GJA5: variants seen among roughly 807,000 people sequenced by gnomAD.
GJA5 encodes gap junction protein alpha 5.
GJA5 carries 3 observed loss-of-function variants against 7.9 expected under a neutral mutation model. The observed-to-expected ratio is 0.38, with a 90% CI of 0.17 to 0.99. GJA5 has a LOEUF of 0.99. Ranked by LOEUF, GJA5 falls within the 50% of genes least tolerant of loss-of-function variation. The pLI is 0.38. For missense variants in GJA5, 390 were observed against 457.9 expected, an observed-to-expected ratio of 0.85 and a Z score of 1.35; for synonymous variants, 193 against 181.0, an observed-to-expected ratio of 1.07 and a Z score of -0.53.
rs587735667 is a variant in GJA5, at chr1:147,772,732, T to C, written c.-34+520A>G. On this transcript the variant is annotated intron_variant, in intron 1 of 1. Coordinates refer to the GJA5 transcript ENST00000430508. Reference sequence around the variant, plus strand: ...TGGCCACTGCACAGCGGGGACATGATACTCTGCAGGAAACTAAGCAGGGAA... The same window carrying C: ...TGGCCACTGCACAGCGGGGACATGACACTCTGCAGGAAACTAAGCAGGGAA... Among the ~76,000 whole-genome samples, 15 of 143,254 alleles carry C rather than the reference T, an allele frequency of 1.0e-4. No individual in the cohort carries two copies. In the East Asian group the frequency reaches 1.6e-3, roughly 16 times the overall value. The allele number at this position is 143,254 out of a possible 152,430, so 94.0% of individuals were successfully genotyped here. A position where few individuals can be genotyped will look rare whatever the true frequency, so the allele number is the denominator to read the frequency against.
intron 1 of GJA5, among the ~76,000 whole-genome samples, chr1:147,770,513 T>C (rs1251365632): frequency 6.6e-6 from 1 of 152,228 alleles, no homozygotes; most frequent in Non-Finnish European, 1.5e-5. Context: ...TTCTATTTGA[T>C]AGCCATTTAA....
chr1:147,765,635 A>C (rs1341781168), intron 1 of GJA5, among the ~76,000 whole-genome samples: 1 of 152,180 alleles, frequency 6.6e-6, no homozygotes, highest in Non-Finnish European at 1.5e-5. Flanking sequence ...CAATGAGCAG[A>C]GCATGGAAGG....
chr1:147,766,528 A>G (rs1664208700), intron 1 of GJA5, among the ~76,000 whole-genome samples: 1 of 152,100 alleles, frequency 6.6e-6, no homozygotes, highest in Non-Finnish European at 1.5e-5. Flanking sequence ...CACCAGGGAG[A>G]TGGAAGCCAC....
Position 147,757,199 on chromosome 1 carries a change from GGGAAATTCCACTGGCCTCA to G in GJA5, c.*944_*962del, listed in dbSNP as rs1451221710. On this transcript the variant is annotated 3_prime_UTR_variant, in exon 2 of 2. Transcript: ENST00000579774. Reference sequence around the variant, plus strand: ...GCTTTCTTTGTTTTAACAAGGCCTGGGGAAATTCCACTGGCCTCAGTGGCTGATGATCTGGTCAGGGTTC... The same window carrying G: ...GCTTTCTTTGTTTTAACAAGGCCTGGGTGGCTGATGATCTGGTCAGGGTTC... The G allele has an allele frequency of 1.3e-5, 2 of 152,196 alleles. No homozygotes were observed. 9.4% of individuals were successfully genotyped at this position (152,196 alleles called of 1,614,324 possible). A position where few individuals can be genotyped will look rare whatever the true frequency, so the allele number is the denominator to read the frequency against.
At chr1:147,770,794 A>C (rs587737566) in intron 1 of GJA5, among the ~76,000 whole-genome samples, 1 of 152,102 alleles carries the variant, frequency 6.6e-6, no homozygotes, top group African/African-American at 2.4e-5. Flanking sequence ...TTACTTGCCC[A>C]TTATTTACTA....
upstream of GJA5, among the ~76,000 whole-genome samples, chr1:147,761,900 T>A (rs1294827479): frequency 6.6e-6 from 1 of 151,998 alleles, no homozygotes; most frequent in Non-Finnish European, 1.5e-5. Flanking sequence ...AAAAAGACCA[T>A]GTAGGGTTAA....
upstream of GJA5, among the ~76,000 whole-genome samples, chr1:147,761,548 C>A (rs1664018350): frequency 6.6e-6 from 1 of 152,180 alleles, no homozygotes; most frequent in South Asian, 2.1e-4. Flanking sequence ...ATCTCTGCTC[C>A]TCTCTATATC....
chr1:147,770,302 C>G (rs1277314726), intron 1 of GJA5, among the ~76,000 whole-genome samples: 1 of 152,156 alleles, frequency 6.6e-6, no homozygotes, highest in Non-Finnish European at 1.5e-5. Context: ...AGAGGCTCTT[C>G]CATCTCTAAG....
intron 1 of GJA5, among the ~76,000 whole-genome samples, chr1:147,772,082 C>A (rs1195085695): frequency 6.6e-6 from 1 of 152,278 alleles, no homozygotes; most frequent in South Asian, 2.1e-4. Flanking sequence ...CCTCCACACG[C>A]TCCCCTTGGT....
Position 147,759,017 on chromosome 1 carries a change from G to A in GJA5, c.222C>T (p.His74=), listed in dbSNP as rs1446774496. ...TGATCTGCAGCACCCAGTAGCGAATGTGGGAGATGGGGAAAGCCTGGTCGT... is the reference window on the plus strand; with the variant it reads ...TGATCTGCAGCACCCAGTAGCGAATATGGGAGATGGGGAAAGCCTGGTCGT... The part of the protein sequence containing the change: ...VCYDQAFPIS[H]IRYWVLQIIF... Residue 74 remains histidine, a synonymous_variant, in exon 2 of 2, where the codon CAC becomes CAT. Transcript: ENST00000579774. 1.9e-6 allele frequency: 3 copies of A among 1,614,210 alleles called. No homozygotes were observed. The highest frequency in any genetic ancestry group is 8.5e-7 in the Non-Finnish European group (1 of 1,180,004).
At chr1:147,764,705 T>C (rs1330030611), upstream of GJA5, among the ~76,000 whole-genome samples, 2 of 151,208 alleles carry the variant, frequency 1.3e-5, no homozygotes, top group African/African-American at 4.9e-5. Context: ...GCACCTGTAA[T>C]CCCAGCTACT....
chr1:147,763,894 C>G (rs953801175), upstream of GJA5, among the ~76,000 whole-genome samples: 1 of 152,144 alleles, frequency 6.6e-6, no homozygotes, highest in Non-Finnish European at 1.5e-5. Flanking sequence ...ACTGCAACCT[C>G]TGCCTCCCAG....
chr1:147,768,311 A>G (rs587656510), intron 1 of GJA5, among the ~76,000 whole-genome samples: 1 of 152,352 alleles, frequency 6.6e-6, no homozygotes, highest in African/African-American at 2.4e-5. Context: ...CTGCTGGCAG[A>G]CAGTTGTTTC....
rs140888703 is a variant in GJA5, at chr1:147,765,896, C to T, written c.-33-6625G>A. ...TAGGCTGCAGATGACAGGTACCTCC[C>T]AGCACACTTGCTGTGACTGCACCCT... is the stretch of plus-strand genomic sequence containing the variant. On this transcript the variant is annotated intron_variant, in intron 1 of 1. Coordinates refer to the GJA5 transcript ENST00000430508. Among the ~76,000 whole-genome samples, 980 of 152,232 alleles carry T rather than the reference C, an allele frequency of 6.4e-3. 9 individuals are homozygous for T. The highest frequency in any genetic ancestry group is 0.019 in the African/African-American group (794 of 41,524).
chr1:147,761,658 T>C (rs1553227454), upstream of GJA5, among the ~76,000 whole-genome samples: 2 of 152,206 alleles, frequency 1.3e-5, no homozygotes, highest in African/African-American at 2.4e-5. Context: ...AGCCTCCAAA[T>C]GTGGAAAATT....
chr1:147,767,520 C>CA (rs1316636998), intron 1 of GJA5, among the ~76,000 whole-genome samples: 1 of 150,722 alleles, frequency 6.6e-6, no homozygotes, highest in African/African-American at 2.4e-5. Flanking sequence ...CCCAAGTAGC[C>CA]AGGACCACAG....
In GJA5 at chr1:147,756,335, T is replaced by C. The variant is rs898319434; in HGVS notation, c.*1827A>G. The C allele has an allele frequency of 3.3e-5, 5 of 152,184 alleles. No individual in the cohort carries two copies. Among genetic ancestry groups the C allele is most frequent in the Non-Finnish European group, 7.4e-5 (5 of 68,026 alleles). 9.4% of individuals were successfully genotyped at this position (152,184 alleles called of 1,614,324 possible). A position where few individuals can be genotyped will look rare whatever the true frequency, so the allele number is the denominator to read the frequency against. On this transcript the variant is annotated 3_prime_UTR_variant, in exon 2 of 2. Transcript: ENST00000579774. ...CTCATTTCATAAAACATTTCAGAGA[T>C]AGAAGGAGAGAAAATATTAATGCTA...
At chr1:147,771,098 C>T (rs78982347) in intron 1 of GJA5, among the ~76,000 whole-genome samples, 6 of 152,148 alleles carry the variant, frequency 3.9e-5, no homozygotes, top group African/African-American at 1.4e-4. Context: ...TCATCCAGTT[C>T]CTGTCCTGAT....
At chr1:147,764,533 T>C (rs1664130852), upstream of GJA5, among the ~76,000 whole-genome samples, 1 of 151,946 alleles carries the variant, frequency 6.6e-6, no homozygotes, top group South Asian at 2.1e-4. Flanking sequence ...TCTATTAAAT[T>C]AATAAAATCG....
Sources: gnomAD v4.1 joint callset for allele counts (sites outside exome capture counted in the v4.1 genomes callset) on GRCh38, gnomAD v4.1.1 for gene constraint, MANE v1.5 for transcripts, NCBI Gene and HGNC (gene_info 2026-07-23, HGNC 2026-07-21) for gene names.